TTC27: variants seen among roughly 807,000 people sequenced by gnomAD.
TTC27 encodes the protein tetratricopeptide repeat protein 27.
A neutral mutation model predicts 115.9 loss-of-function variants in TTC27; 79 were observed. That is an observed-to-expected ratio of 0.68 (90% CI 0.57 to 0.82). The LOEUF is 0.82. Among genes scored for constraint, TTC27 ranks in the 40% least tolerant of loss-of-function variants. The pLI is 0.00. For synonymous variants in TTC27, 401 were observed against 356.0 expected (o/e 1.13, Z -1.42); for missense variants, 1,054 against 993.1 (o/e 1.06, Z -0.82).
chr2:32,748,034 T>C (rs1221912775), intron 12 of TTC27, among the ~76,000 whole-genome samples: 1 of 152,138 alleles, frequency 6.6e-6, no homozygotes, highest in East Asian at 1.9e-4. Flanking sequence ...TTCTAGTTAC[T>C]TTTGGTGGAA....
At position 32,752,931 on chromosome 2, in the gene TTC27, G is replaced by A. The variant is rs576338181; in HGVS notation, c.1453-5361G>A. ...AACAATGGTTGCAGTTCCTATTGCT[G>A]TGTAACAAACCCACTCAAAACTTAG... On this transcript the variant is annotated intron_variant, in intron 12 of 19. Transcript: ENST00000317907. 1.5e-4 allele frequency among the ~76,000 whole-genome samples: 23 copies of A among 152,266 alleles called. 1 individual carries two copies. The South Asian group carries it at 4.8e-3, about 32-fold the overall frequency.
At position 32,630,748 on chromosome 2, in the gene TTC27, T is replaced by C. The variant is rs765633326; in HGVS notation, c.266+48T>C. Reference sequence around the variant, plus strand: ...CATAGAGGAACAGAGCAAATACATTTAATAGCACCTTGACAGGGTAAGGCC... The same window carrying C: ...CATAGAGGAACAGAGCAAATACATTCAATAGCACCTTGACAGGGTAAGGCC... On this transcript the variant is annotated intron_variant, in intron 2 of 19. Coordinates refer to ENST00000317907, the MANE Select transcript of TTC27 (RefSeq NM_017735.5). 5 of 1,531,892 alleles carry C rather than the reference T, an allele frequency of 3.3e-6. No homozygotes were observed. The East Asian group carries it at 1.1e-4, about 35-fold the overall frequency. 94.9% of individuals were successfully genotyped at this position (1,531,892 alleles called of 1,614,324 possible). A position where few individuals can be genotyped will look rare whatever the true frequency, so the allele number is the denominator to read the frequency against.
intron 5 of TTC27, among the ~76,000 whole-genome samples, chr2:32,663,563 CT>C (rs2151878551): frequency 6.6e-6 from 1 of 152,272 alleles, no homozygotes; most frequent in Non-Finnish European, 1.5e-5. Flanking sequence ...AATCACCTGC[CT>C]TCTGCCTTGA....
chr2:32,656,427 A>C (rs767464005), intron 5 of TTC27, among the ~76,000 whole-genome samples: 6 of 152,176 alleles, frequency 3.9e-5, no homozygotes, highest in Non-Finnish European at 8.8e-5. Flanking sequence ...AAGGACATGT[A>C]CTATGTGCAA....
chr2:32,807,770 C>A (rs1671179852), intron 16 of TTC27, among the ~76,000 whole-genome samples: 1 of 152,082 alleles, frequency 6.6e-6, no homozygotes, highest in South Asian at 2.1e-4. Flanking sequence ...TGGTCACTCA[C>A]CCTTAATGAT....
intron 10 of TTC27, among the ~76,000 whole-genome samples, chr2:32,706,779 G>T (rs1286982459): frequency 6.6e-6 from 1 of 152,068 alleles, no homozygotes; most frequent in Non-Finnish European, 1.5e-5. Flanking sequence ...GGCCAGGCTG[G>T]TCTTGAACTC....
intron 19 of TTC27, among the ~76,000 whole-genome samples, chr2:32,818,236 A>G (rs571684787): frequency 1.3e-5 from 2 of 152,352 alleles, no homozygotes; most frequent in Admixed American, 1.3e-4. Flanking sequence ...TTAGAAAAAA[A>G]GCAGACTAGC....
chr2:32,803,182 A>T (rs1671013649), intron 16 of TTC27, among the ~76,000 whole-genome samples: 1 of 152,168 alleles, frequency 6.6e-6, no homozygotes. Flanking sequence ...CCTTCACTAG[A>T]CATTGCTCTT....
At chr2:32,668,125 A>T (rs562281149) in intron 7 of TTC27, among the ~76,000 whole-genome samples, 1 of 152,096 alleles carries the variant, frequency 6.6e-6, no homozygotes, top group Non-Finnish European at 1.5e-5. Flanking sequence ...TGGGAGACGG[A>T]GCTTGCAGTG....
intron 8 of TTC27, 55 bp downstream of exon 8, chr2:32,672,439 T>A: frequency 7.6e-7 from 1 of 1,310,576 alleles, no homozygotes; most frequent in Non-Finnish European, 1.1e-6. Context: ...GATTCTCTTA[T>A]GTGTGGAGAA....
chr2:32,636,050 A>G (rs566676391), intron 3 of TTC27, among the ~76,000 whole-genome samples: 25 of 152,320 alleles, frequency 1.6e-4, no homozygotes, highest in Non-Finnish European at 2.8e-4. Context: ...AGCTTCAGTT[A>G]TCTAGAAATG....
chr2:32,732,521 G>A (rs904870121), intron 10 of TTC27, among the ~76,000 whole-genome samples: 1 of 152,174 alleles, frequency 6.6e-6, no homozygotes, highest in African/African-American at 2.4e-5. Context: ...CCCTGTCTTA[G>A]ATTTTTACCA....
chr2:32,650,294 A>T (rs1304402791), intron 5 of TTC27, 61 bp downstream of exon 5: 2 of 1,223,266 alleles, frequency 1.6e-6, no homozygotes, highest in East Asian at 5.1e-5. Context: ...CTTGGCTGAG[A>T]TACTCCTTTT....
At position 32,677,706 on chromosome 2, in the gene TTC27, G is replaced by A. The variant is rs1399358124; in HGVS notation, c.1053-1150G>A. On this transcript the variant is annotated intron_variant, in intron 8 of 19. Transcript: ENST00000317907. Reference sequence around the variant, plus strand: ...CCTCATGATTCATTCGCCTGCCTCAGCCTCCCAAAGTGCTGGGATTACAGG... The same window carrying A: ...CCTCATGATTCATTCGCCTGCCTCAACCTCCCAAAGTGCTGGGATTACAGG... Among the ~76,000 whole-genome samples, 3 of 152,238 alleles carry A rather than the reference G, an allele frequency of 2.0e-5. No individual in the cohort carries two copies. The East Asian group carries it at 5.8e-4, about 29-fold the overall frequency.
At chr2:32,811,693 G>A (rs536631791) in intron 17 of TTC27, among the ~76,000 whole-genome samples, 5 of 152,288 alleles carry the variant, frequency 3.3e-5, no homozygotes, top group African/African-American at 1.2e-4. Context: ...TTTTACAAAG[G>A]TTGCCCTGCC....
intron 10 of TTC27, 69 bp downstream of exon 10, chr2:32,702,989 T>A: frequency 9.5e-7 from 1 of 1,055,416 alleles, no homozygotes; most frequent in Non-Finnish European, 1.5e-6. Context: ...CATACATGTT[T>A]GCTATGAATG....
At chr2:32,777,361 C>T (rs562932020) in intron 13 of TTC27, among the ~76,000 whole-genome samples, 46 of 152,368 alleles carry the variant, frequency 3.0e-4, no homozygotes, top group Non-Finnish European at 6.0e-4. Context: ...CCATGATGCT[C>T]AAGTCCATTG....
At chr2:32,802,903 C>G (rs1373388145) in intron 16 of TTC27, among the ~76,000 whole-genome samples, 1 of 152,188 alleles carries the variant, frequency 6.6e-6, no homozygotes, top group Non-Finnish European at 1.5e-5. Context: ...CCCTTTAACT[C>G]TTTTTCACAT....
intron 13 of TTC27, among the ~76,000 whole-genome samples, chr2:32,771,352 T>C (rs1669825206): frequency 6.6e-6 from 1 of 152,218 alleles, no homozygotes; most frequent in South Asian, 2.1e-4. Context: ...CCCCATTATC[T>C]GTAGCCTAAA....
Sources: gnomAD v4.1 joint callset for allele counts (sites outside exome capture counted in the v4.1 genomes callset) on GRCh38, gnomAD v4.1.1 for gene constraint, MANE v1.5 for transcripts, NCBI Gene and HGNC (gene_info 2026-07-23, HGNC 2026-07-21) for gene names.